The following CCNG1 variants were observed in gnomAD, a reference collection of about 807,000 sequenced individuals.
CCNG1 encodes the protein cyclin-G1.
Under a neutral mutation model 30.0 loss-of-function variants are expected in CCNG1, and 13 were observed. That is an observed-to-expected ratio of 0.43 (90% CI 0.28 to 0.69). The LOEUF (loss-of-function observed/expected upper bound fraction) is 0.69, where lower values mean the gene tolerates loss of function less well. Ranked by LOEUF, CCNG1 falls within the 30% of genes least tolerant of loss-of-function variation. The probability of loss-of-function intolerance (pLI) is 0.16; values close to 1 mark genes in which losing one functional copy is unlikely to be tolerated. For synonymous variants in CCNG1, 110 were observed against 121.5 expected (o/e 0.91, Z 0.62); for missense variants, 285 against 331.4 (o/e 0.86, Z 1.09).
rs1757872689 is a variant in CCNG1 at position 163,442,543 on chromosome 5, C to A, written c.866C>A (p.Thr289Lys). Residue 289 changes from threonine (T) to lysine (K), a missense_variant, in exon 6 of 7, where the codon ACA becomes AAA. Coordinates refer to ENST00000340828, the MANE Select transcript of CCNG1 (RefSeq NM_004060.4). ...TACTACAGAATAACTCACCTTCCAA[C>A]AATTCCTGAAATGGTCCCTTAACTG... ...HSYYRITHLP[T>K]IPEMVP 5.0e-6 allele frequency: 8 copies of A among 1,609,834 alleles called. No individual in the cohort carries two copies. The highest frequency in any genetic ancestry group is 6.8e-6 in the Non-Finnish European group (8 of 1,178,234).
intron 1 of CCNG1, among the ~76,000 whole-genome samples, chr5:163,438,644 C>T (rs1406717556): frequency 6.6e-6 from 1 of 152,192 alleles, no homozygotes; most frequent in African/African-American, 2.4e-5. Context: ...CTTTCGGTAT[C>T]CTGTCTTACG....
At chr5:163,452,733 A>G in the CCNG1 span, 1 of 152,326 alleles carries the variant, frequency 6.6e-6, no homozygotes, top group South Asian at 2.1e-4. Flanking sequence ...CACTTCTATC[A>G]CATTCCTGCC....
intron 1 of CCNG1, 44 bp from the exon 2 acceptor site, chr5:163,439,213 G>C (rs763543170): frequency 1.2e-5 from 19 of 1,561,884 alleles, no homozygotes; most frequent in South Asian, 1.1e-4. Context: ...AAAGCAGGAA[G>C]GACTACTCTT....
In CCNG1 at chr5:163,441,111, AGCT is replaced by A; in HGVS notation, c.302_304del (p.Cys101del). On this transcript the variant is annotated inframe_deletion, in exon 3 of 7. Coordinates refer to ENST00000340828, the MANE Select transcript of CCNG1 (RefSeq NM_004060.4). ...CAAGCACCTTGGGTGTGTTGGACTG[AGCT>A]GCTTTTATTTGGCTGTAAAATCAAT... The A allele has an allele frequency of 3.1e-6, 5 of 1,613,978 alleles. No individual in the cohort carries two copies. Among genetic ancestry groups the A allele is most frequent in the Non-Finnish European group, 4.2e-6 (5 of 1,179,876 alleles).
the CCNG1 span, among the ~76,000 whole-genome samples, chr5:163,456,588 A>G: frequency 3.9e-5 from 6 of 152,172 alleles, no homozygotes; most frequent in Non-Finnish European, 7.4e-5. Context: ...AGATAGATGC[A>G]TGGAATGGGG....
chr5:163,453,950 T>C, the CCNG1 span: 937 of 1,431,280 alleles, frequency 6.5e-4, 4 homozygotes, highest in Middle Eastern at 2.6e-3. Context: ...ATCCACAGAA[T>C]GCAGGAAAAA....
intron 1 of CCNG1, among the ~76,000 whole-genome samples, chr5:163,438,346 T>C (rs1757599903): frequency 6.6e-6 from 1 of 152,214 alleles, no homozygotes; most frequent in Admixed American, 6.5e-5. Flanking sequence ...CTATACTCTT[T>C]AAGTGGTGAA....
At position 163,443,180 on chromosome 5, in the gene CCNG1, C is replaced by T. The variant is rs2069361; in HGVS notation, c.*4-494C>T. 9.1e-3 allele frequency among the ~76,000 whole-genome samples: 1,388 copies of T among 152,000 alleles called. 20 individuals are homozygous for T. Among genetic ancestry groups the T allele is most frequent in the African/African-American group, 0.032 (1,321 of 41,454 alleles). ...AAAAAAATTTAGCCAGTCGCGGTGG[C>T]GGGCGCCTGTAGTCCCAGCTACTCG... On this transcript the variant is annotated intron_variant, in intron 6 of 6. Coordinates refer to ENST00000340828, the MANE Select transcript of CCNG1 (RefSeq NM_004060.4).
intron 6 of CCNG1, among the ~76,000 whole-genome samples, chr5:163,443,016 GA>G (rs955236967): frequency 6.6e-6 from 1 of 151,868 alleles, no homozygotes; most frequent in Non-Finnish European, 1.5e-5. Context: ...GTACTTAAAA[GA>G]AAAAAAAGTA....
At chr5:163,456,814 C>G in the CCNG1 span, 1 of 836,566 alleles carries the variant, frequency 1.2e-6, no homozygotes, top group East Asian at 3.1e-5. Context: ...TTTAAAAATT[C>G]TTCTAGAAAA....
Position 163,441,588 on chromosome 5 carries a change from A to G in CCNG1, c.518+257A>G, listed in dbSNP as rs1019805784. On this transcript the variant is annotated intron_variant, in intron 3 of 6. Coordinates refer to ENST00000340828, the MANE Select transcript of CCNG1 (RefSeq NM_004060.4). Reference sequence around the variant, plus strand: ...GAAAGCATCTAACACAAATTTATGGAAAAAAAGGACCTTCAGTGGATGTTG... The same window carrying G: ...GAAAGCATCTAACACAAATTTATGGGAAAAAAGGACCTTCAGTGGATGTTG... 20 of 470,052 alleles carry G rather than the reference A, an allele frequency of 4.3e-5. No individual in the cohort carries two copies. The East Asian group carries it at 6.6e-4, about 16-fold the overall frequency. 29.1% of individuals were successfully genotyped at this position (470,052 alleles called of 1,614,324 possible). A position where few individuals can be genotyped will look rare whatever the true frequency, so the allele number is the denominator to read the frequency against.
chr5:163,439,306 T>G lies in CCNG1; in HGVS notation c.50T>G (p.Leu17Arg). ...GACTCTCAGAAACTGCTACACCAGC[T>G]GAATGCCCTGTTGGAACAGGAGTCT... ...TTDSQKLLHQ[L>R]NALLEQESRC... Residue 17 changes from leucine (L) to arginine (R), a missense_variant, in exon 2 of 7, where the codon CTG (leucine) becomes CGG (arginine). Physicochemically the swap from Leu to Arg is moderately radical, Grantham distance 102. Coordinates refer to ENST00000340828, the MANE Select transcript of CCNG1 (RefSeq NM_004060.4). 2 of 1,613,944 alleles carry G rather than the reference T, an allele frequency of 1.2e-6. No individual in the cohort carries two copies. The highest frequency in any genetic ancestry group is 1.7e-6 in the Non-Finnish European group (2 of 1,179,944).
At chr5:163,457,495 T>G in the CCNG1 span, 3 of 961,484 alleles carry the variant, frequency 3.1e-6, no homozygotes, top group Non-Finnish European at 5.0e-6. Context: ...AAAGACCTAA[T>G]ACAAAAGAGG....
chr5:163,441,977 T>A lies in CCNG1; in HGVS notation c.597+13T>A, dbSNP rs1264097827. On this transcript the variant is annotated intron_variant, in intron 4 of 6. Transcript: ENST00000340828. The stretch of plus-strand genomic sequence containing the variant: ...TTCTAAAGCAAAGGTAAATATTTTA[T>A]AAAGATTATGCCTATTGATATGATC... 2.5e-6 allele frequency: 4 copies of A among 1,592,170 alleles called. No individual in the cohort carries two copies. The African/African-American group carries it at 4.0e-5, about 16-fold the overall frequency.
At position 163,444,883 on chromosome 5, in the gene CCNG1, TC is replaced by T. The variant is rs1757994694; in HGVS notation, c.*1216del. On this transcript the variant is annotated 3_prime_UTR_variant, in exon 7 of 7. Coordinates refer to ENST00000340828, the MANE Select transcript of CCNG1 (RefSeq NM_004060.4). ...TGTTTTATGGGTAACTTTTTAGTTT[TC>T]CCAAAAGGCTGATAAATTTCAATAT... 1.3e-5 allele frequency: 2 copies of T among 152,664 alleles called. No homozygotes were observed. Among genetic ancestry groups the T allele is most frequent in the South Asian group, 4.1e-4 (2 of 4,830 alleles). The allele number at this position is 152,664 out of a possible 1,614,324, so 9.5% of individuals were successfully genotyped here.
Position 163,443,720 on chromosome 5 carries a change from C to G in CCNG1, c.*50C>G, listed in dbSNP as rs2069368. 2.5e-3 allele frequency: 3,755 copies of G among 1,529,316 alleles called. 165 individuals are homozygous for G. In the East Asian group the frequency reaches 0.084, roughly 34 times the overall value. The allele number at this position is 1,529,316 out of a possible 1,614,324, so 94.7% of individuals were successfully genotyped here. A position where few individuals can be genotyped will look rare whatever the true frequency, so the allele number is the denominator to read the frequency against. ...CTTCTCTGAAGCCTTTCTCCACAACCTTGTTCTATGGATTCCATAATGTTA... is the reference window on the plus strand; with the variant it reads ...CTTCTCTGAAGCCTTTCTCCACAACGTTGTTCTATGGATTCCATAATGTTA... On this transcript the variant is annotated 3_prime_UTR_variant, in exon 7 of 7. Coordinates refer to ENST00000340828, the MANE Select transcript of CCNG1 (RefSeq NM_004060.4).
chr5:163,453,970 T>C, the CCNG1 span: 824 of 1,519,630 alleles, frequency 5.4e-4, 3 homozygotes, highest in African/African-American at 3.6e-3. Context: ...AAAGCAGTTA[T>C]TTCTCAAGGT....
downstream of CCNG1, chr5:163,448,696 A>G (rs536132639): frequency 6.6e-6 from 1 of 152,348 alleles, no homozygotes; most frequent in East Asian, 1.9e-4. Flanking sequence ...ACAATTGCAC[A>G]ATATCCAAAA....
chr5:163,448,176 T>G (rs1581174760), downstream of CCNG1: 1 of 123,928 alleles, frequency 8.1e-6, no homozygotes, highest in African/African-American at 3.1e-5. Flanking sequence ...AAGCCCAAAC[T>G]AAACCTAAAG....
Sources: gnomAD v4.1 joint callset for allele counts (sites outside exome capture counted in the v4.1 genomes callset) on GRCh38, gnomAD v4.1.1 for gene constraint, MANE v1.5 for transcripts, NCBI Gene and HGNC (gene_info 2026-07-23, HGNC 2026-07-21) for gene names.